The following MAP6 variants were observed in gnomAD, a reference collection of about 807,000 sequenced individuals.
The protein encoded by MAP6 is microtubule-associated protein 6.
A neutral mutation model predicts 42.4 loss-of-function variants in MAP6; 26 were observed. That is an observed-to-expected ratio of 0.61 (90% CI 0.45 to 0.85). MAP6 has a LOEUF of 0.85. MAP6 is among the 40% of genes least tolerant of loss of function. The probability of loss-of-function intolerance (pLI) is 0.00; values close to 1 mark genes in which losing one functional copy is unlikely to be tolerated. For missense variants in MAP6, 966 were observed against 1,099.0 expected (o/e 0.88, Z 1.71); for synonymous variants, 418 against 443.8 (o/e 0.94, Z 0.73).
chr11:75,629,478 G>A (rs1204636183), intron 1 of MAP6, among the ~76,000 whole-genome samples: 1 of 152,038 alleles, frequency 6.6e-6, no homozygotes, highest in Non-Finnish European at 1.5e-5. Context: ...GAGCTTTTCT[G>A]GCATCCTGCA....
intron 1 of MAP6, among the ~76,000 whole-genome samples, chr11:75,627,110 G>C (rs151328494): frequency 3.9e-4 from 60 of 152,358 alleles, no homozygotes; most frequent in African/African-American, 1.3e-3. Context: ...TGAAAGCAGA[G>C]AGGAAATATG....
chr11:75,649,906 A>G (rs1367923676), intron 1 of MAP6, among the ~76,000 whole-genome samples: 1 of 152,082 alleles, frequency 6.6e-6, no homozygotes, highest in East Asian at 1.9e-4. Flanking sequence ...TACCCTTCTT[A>G]GTGATGTATT....
chr11:75,638,458 A>C (rs553410963), intron 1 of MAP6: 1 of 152,312 alleles, frequency 6.6e-6, no homozygotes, highest in East Asian at 1.9e-4. Context: ...AACAGGAATA[A>C]TGAGGCCTCT....
chr11:75,615,025 C>T (rs1344449187), intron 1 of MAP6, among the ~76,000 whole-genome samples: 1 of 152,204 alleles, frequency 6.6e-6, no homozygotes, highest in Non-Finnish European at 1.5e-5. Flanking sequence ...TAAAGATGCA[C>T]CTGCCTTGGA....
chr11:75,662,344 GTA>G (rs1943867019), intron 1 of MAP6, among the ~76,000 whole-genome samples: 1 of 152,094 alleles, frequency 6.6e-6, no homozygotes, highest in Non-Finnish European at 1.5e-5. Flanking sequence ...GTATATATGT[GTA>G]TATATATGAG....
At chr11:75,604,890 A>G in intron 3 of MAP6, 1 of 985,472 alleles carries the variant, frequency 1.0e-6, no homozygotes, top group Non-Finnish European at 1.2e-6. Flanking sequence ...ACATCGCCAC[A>G]CTTGCCACTA....
At chr11:75,589,920 G>C (rs192677687) in intron 3 of MAP6, among the ~76,000 whole-genome samples, 3 of 152,174 alleles carry the variant, frequency 2.0e-5, no homozygotes, top group Admixed American at 1.3e-4. Context: ...GCCACCCAGG[G>C]ACTGGTATTT....
intron 1 of MAP6, among the ~76,000 whole-genome samples, chr11:75,638,157 T>G (rs562441237): frequency 2.0e-5 from 3 of 152,180 alleles, no homozygotes; most frequent in Non-Finnish European, 4.4e-5. Context: ...ATCTGCCCAG[T>G]GCTCTCCTCA....
Position 75,587,384 on chromosome 11 carries a change from C to G in MAP6, c.2117G>C (p.Gly706Ala), listed in dbSNP as rs770751008. 3.7e-6 allele frequency: 6 copies of G among 1,614,090 alleles called. No individual in the cohort carries two copies. The South Asian group carries it at 5.5e-5, about 15-fold the overall frequency. ...SAVVAPVKNQ[G>A]PVVPESVKNQ... ...CTTCACGGACTCGGGGACCACAGGA[C>G]CTTGATTCTTTACAGGTGCCACAAC... The change falls in exon 4 of 4, where the codon GGT becomes GCT. Residue 706 changes from glycine (G) to alanine (A), a missense_variant. By Grantham distance (60) the Gly-to-Ala change is moderately conservative. Transcript: ENST00000304771.
chr11:75,631,147 C>T (rs1943278252), intron 1 of MAP6, among the ~76,000 whole-genome samples: 1 of 152,156 alleles, frequency 6.6e-6, no homozygotes, highest in African/African-American at 2.4e-5. Context: ...TTCAAATTAC[C>T]TTAAAGAGGG....
At chr11:75,646,123 A>G (rs1373518204) in intron 1 of MAP6, among the ~76,000 whole-genome samples, 9 of 152,152 alleles carry the variant, frequency 5.9e-5, no homozygotes, top group African/African-American at 2.2e-4. Context: ...CAGCAAACAC[A>G]GAGAGAAATC....
chr11:75,587,789 T>C lies in MAP6; in HGVS notation c.1712A>G (p.Lys571Arg), dbSNP rs920093515. ...TGCTGGGACCATAGGAGCTTGATTC[T>C]TCACAGGCTCAGGAATCCTAGGACC... ...DQGPRIPEPV[K>R]NQAPMVPAPV... The change falls in exon 4 of 4, where the codon AAG becomes AGG. Residue 571 changes from lysine to arginine, a missense_variant. Around this residue, in one of 2 missense-constraint regions of MAP6, gnomAD observed 943 missense variants for 1,049.9 expected, o/e 0.90. Coordinates refer to ENST00000304771, the MANE Select transcript of MAP6 (RefSeq NM_033063.2). The C allele has an allele frequency of 7.4e-6, 12 of 1,613,568 alleles. No homozygotes were observed. Among genetic ancestry groups the C allele is most frequent in the African/African-American group, 1.3e-5 (1 of 75,034 alleles).
chr11:75,614,013 A>G (rs1942952914), intron 1 of MAP6, among the ~76,000 whole-genome samples: 1 of 152,200 alleles, frequency 6.6e-6, no homozygotes, highest in Non-Finnish European at 1.5e-5. Flanking sequence ...CAGAGGAGTC[A>G]ACAAACACTC....
chr11:75,626,435 T>A (rs1250895689), intron 1 of MAP6, among the ~76,000 whole-genome samples: 1 of 151,782 alleles, frequency 6.6e-6, no homozygotes, highest in Admixed American at 6.6e-5. Flanking sequence ...AGCAGAGGAG[T>A]GACGTGATGA....
At chr11:75,612,757 C>T (rs1463566865) in intron 1 of MAP6, among the ~76,000 whole-genome samples, 1 of 152,178 alleles carries the variant, frequency 6.6e-6, no homozygotes, top group African/African-American at 2.4e-5. Flanking sequence ...GTGCTCTCCT[C>T]CTATCAGTCT....
At chr11:75,603,250 C>A in intron 3 of MAP6, 1 of 985,544 alleles carries the variant, frequency 1.0e-6, no homozygotes, top group Non-Finnish European at 1.2e-6. Context: ...CAGGGAAGGA[C>A]GGAGAACCAC....
At chr11:75,635,975 T>A (rs1338659639) in intron 1 of MAP6, 1 of 152,270 alleles carries the variant, frequency 6.6e-6, no homozygotes, top group Admixed American at 6.5e-5. Context: ...TAGCATTATT[T>A]TCTCCACACT....
At chr11:75,646,668 C>A (rs1004057993) in intron 1 of MAP6, among the ~76,000 whole-genome samples, 2 of 151,128 alleles carry the variant, frequency 1.3e-5, no homozygotes, top group African/African-American at 4.9e-5. Context: ...GGTGTGGTGG[C>A]ACACGCCTGT....
intron 1 of MAP6, among the ~76,000 whole-genome samples, chr11:75,610,950 C>T (rs186650842): frequency 5.3e-5 from 8 of 152,266 alleles, no homozygotes; most frequent in Non-Finnish European, 7.4e-5. Flanking sequence ...CCCACACACC[C>T]CAGCAACAAG....
Sources: allele counts gnomAD v4.1 joint callset (sites outside exome capture counted in the v4.1 genomes callset), GRCh38; gene constraint gnomAD v4.1.1; regional missense constraint gnomAD v4.1.1; transcripts MANE v1.5; gene names NCBI Gene and HGNC (gene_info 2026-07-23, HGNC 2026-07-21).